TSHZ2: variants seen among roughly 807,000 people sequenced by gnomAD.
TSHZ2 encodes the protein teashirt homolog 2.
A neutral mutation model predicts 74.4 loss-of-function variants in TSHZ2; 21 were observed. The observed-to-expected ratio is 0.28, with a 90% CI of 0.20 to 0.41. The LOEUF is 0.41. Among genes scored for constraint, TSHZ2 ranks in the 10% least tolerant of loss-of-function variants. The pLI, the probability that TSHZ2 is intolerant of heterozygous loss-of-function variation, is 1.00. For missense variants in TSHZ2, 1,244 were observed against 1,293.5 expected (o/e 0.96, Z 0.59); for synonymous variants, 540 against 515.3 (o/e 1.05, Z -0.65).
rs190905663 is a variant in TSHZ2 at position 53,007,091 on chromosome 20, G to A, written c.40+33758G>A. The stretch of plus-strand genomic sequence containing the variant: ...TGCTGCAAGAGTAAAGGCTGCTACT[G>A]TGAGGGTGTCTGACAGCCCTAGCCT... On this transcript the variant is annotated intron_variant, in intron 1 of 2. Coordinates refer to ENST00000371497, the MANE Select transcript of TSHZ2 (RefSeq NM_173485.6). Among the ~76,000 whole-genome samples the A allele has an allele frequency of 5.3e-5, 8 of 152,286 alleles. No individual in the cohort carries two copies. In the East Asian group the frequency reaches 1.2e-3, roughly 22 times the overall value.
chr20:52,982,323 C>A (rs761777996), intron 1 of TSHZ2, among the ~76,000 whole-genome samples: 3 of 152,104 alleles, frequency 2.0e-5, no homozygotes, highest in African/African-American at 7.2e-5. Flanking sequence ...ATAGTCATAG[C>A]GAGTTGCCAG....
intron 1 of TSHZ2, among the ~76,000 whole-genome samples, chr20:53,037,895 A>G (rs1456211978): frequency 1.3e-5 from 2 of 151,966 alleles, no homozygotes; most frequent in Non-Finnish European, 2.9e-5. Flanking sequence ...CTGTGTGCAG[A>G]GCAGGGCGAG....
chr20:53,030,193 C>T (rs984314676), intron 1 of TSHZ2, among the ~76,000 whole-genome samples: 2 of 152,094 alleles, frequency 1.3e-5, no homozygotes, highest in Non-Finnish European at 1.5e-5. Flanking sequence ...ATTTGAACCC[C>T]GCCACTCAGC....
intron 1 of TSHZ2, among the ~76,000 whole-genome samples, chr20:53,050,114 T>TAGACAC (rs575510874): frequency 8.8e-6 from 1 of 113,384 alleles, no homozygotes; most frequent in African/African-American, 3.7e-5. Flanking sequence ...TATATATATA[T>TAGACAC]ATATATATAT....
intron 1 of TSHZ2, among the ~76,000 whole-genome samples, chr20:53,124,933 A>T (rs1210324217): frequency 6.6e-6 from 1 of 152,200 alleles, no homozygotes; most frequent in Non-Finnish European, 1.5e-5. Flanking sequence ...ACAACCACTC[A>T]ACTCTGCTGC....
chr20:53,018,588 T>A (rs1320839647), intron 1 of TSHZ2, among the ~76,000 whole-genome samples: 2 of 152,246 alleles, frequency 1.3e-5, no homozygotes, highest in Non-Finnish European at 2.9e-5. Flanking sequence ...TTGAAAGTGA[T>A]GACTTTGCCT....
At chr20:53,277,622 A>G (rs1990973640) in intron 2 of TSHZ2, among the ~76,000 whole-genome samples, 1 of 152,200 alleles carries the variant, frequency 6.6e-6, no homozygotes, top group African/African-American at 2.4e-5. Flanking sequence ...CAAATGGCAA[A>G]CGTGGACCAG....
intron 1 of TSHZ2, chr20:53,185,430 T>C: frequency 7.6e-7 from 1 of 1,313,714 alleles, no homozygotes; most frequent in Non-Finnish European, 9.7e-7. Flanking sequence ...ATTCCAGCAC[T>C]TTGGGAGGCC....
rs2145868176 is a variant in TSHZ2 at position 53,489,465 on chromosome 20, G to A, written c.*2330G>A. On this transcript the variant is annotated 3_prime_UTR_variant, in exon 3 of 3. Transcript: ENST00000371497. ...GTTAAAAATTGTCTGCTCCAATCCAGGGTTATTAGGCCAAAGTTACATAAT... is the reference window on the plus strand; with the variant it reads ...GTTAAAAATTGTCTGCTCCAATCCAAGGTTATTAGGCCAAAGTTACATAAT... 1 of 300,216 alleles carries A rather than the reference G, an allele frequency of 3.3e-6. No homozygotes were observed. Among genetic ancestry groups the A allele is most frequent in the Middle Eastern group, 1.2e-3 (1 of 848 alleles). The allele number at this position is 300,216 out of a possible 1,614,324, so 18.6% of individuals were successfully genotyped here. A position where few individuals can be genotyped will look rare whatever the true frequency, so the allele number is the denominator to read the frequency against.
intron 2 of TSHZ2, among the ~76,000 whole-genome samples, chr20:53,333,672 G>A (rs1979823840): frequency 6.6e-6 from 1 of 152,194 alleles, no homozygotes; most frequent in Admixed American, 6.5e-5. Flanking sequence ...TAGCCAGGAT[G>A]GTCTCGATCT....
rs1195806858 is a variant in TSHZ2 at position 53,062,162 on chromosome 20, AC to A, written c.40+88831del. ...TTTTTAATCTCAACTAAGCCACATCACCAGTTAACCTCTCTGATTTTGTCAT... is the reference window on the plus strand; with the variant it reads ...TTTTTAATCTCAACTAAGCCACATCACAGTTAACCTCTCTGATTTTGTCAT... On this transcript the variant is annotated intron_variant, in intron 1 of 2. Coordinates refer to ENST00000371497, the MANE Select transcript of TSHZ2 (RefSeq NM_173485.6). 6.6e-5 allele frequency among the ~76,000 whole-genome samples: 10 copies of A among 152,336 alleles called. No homozygotes were observed. In the East Asian group the frequency reaches 1.9e-3, roughly 29 times the overall value.
chr20:53,043,924 A>T (rs1984134646), intron 1 of TSHZ2, among the ~76,000 whole-genome samples: 1 of 148,798 alleles, frequency 6.7e-6, no homozygotes, highest in African/African-American at 2.6e-5. Flanking sequence ...TGGAGACTCA[A>T]AGAAAAAGCA....
At chr20:52,996,864 T>C (rs996131289) in intron 1 of TSHZ2, among the ~76,000 whole-genome samples, 2 of 152,204 alleles carry the variant, frequency 1.3e-5, no homozygotes, top group South Asian at 2.1e-4. Context: ...CCAATGCATA[T>C]GTAATACTCT....
At chr20:53,485,768 G>C (rs937883636) in intron 2 of TSHZ2, among the ~76,000 whole-genome samples, 1 of 151,948 alleles carries the variant, frequency 6.6e-6, no homozygotes, top group Non-Finnish European at 1.5e-5. Flanking sequence ...ACGTGAATGA[G>C]AGCTTTAAGC....
chr20:53,255,749 C>A lies in TSHZ2; in HGVS notation c.2291C>A (p.Pro764His). 4 of 1,613,922 alleles carry A rather than the reference C, an allele frequency of 2.5e-6. No homozygotes were observed. The highest frequency in any genetic ancestry group is 3.4e-6 in the Non-Finnish European group (4 of 1,179,936). ...RRYLFENSDQ[P>H]IDLTKSKSKK... ...TACCTGTTTGAGAACAGCGATCAGC[C>A]CATTGACCTGACCAAGTCCAAAAGC... The change falls in exon 2 of 3, where the codon CCC becomes CAC. Residue 764 changes from proline (P) to histidine (H), a missense_variant. By Grantham distance (77) the Pro-to-His change is moderately conservative (BLOSUM62 -2). Around this residue, in one of 6 missense-constraint regions of TSHZ2, gnomAD observed 562 missense variants for 544.0 expected, o/e 1.03. Coordinates refer to ENST00000371497, the MANE Select transcript of TSHZ2 (RefSeq NM_173485.6). This position sits in a 1 kb window ranked among gnomAD's most constrained non-coding sequence, Gnocchi z 4.1.
intron 2 of TSHZ2, among the ~76,000 whole-genome samples, chr20:53,369,376 G>T (rs999112205): frequency 6.6e-6 from 1 of 152,082 alleles, no homozygotes; most frequent in African/African-American, 2.4e-5. Flanking sequence ...ACTATATCTG[G>T]GGAAGAATGT....
At chr20:53,450,214 G>T (rs1287105918) in intron 2 of TSHZ2, among the ~76,000 whole-genome samples, 2 of 152,154 alleles carry the variant, frequency 1.3e-5, no homozygotes, top group African/African-American at 2.4e-5. Flanking sequence ...CTTTTGGCCT[G>T]GTCTCTCTTT....
At chr20:52,990,778 A>T (rs1981953669) in intron 1 of TSHZ2, among the ~76,000 whole-genome samples, 1 of 152,206 alleles carries the variant, frequency 6.6e-6, no homozygotes, top group Admixed American at 6.5e-5. Context: ...GGTAGAAATA[A>T]ATAAGACAGA....
intron 1 of TSHZ2, among the ~76,000 whole-genome samples, chr20:52,977,319 A>T (rs1474685886): frequency 6.6e-6 from 1 of 152,108 alleles, no homozygotes; most frequent in Non-Finnish European, 1.5e-5. Flanking sequence ...TTGTTTAAAC[A>T]TCCTTCAGAA....
Sources: allele counts gnomAD v4.1 joint callset (sites outside exome capture counted in the v4.1 genomes callset), GRCh38; gene constraint gnomAD v4.1.1; regional missense constraint gnomAD v4.1.1; non-coding constraint Gnocchi (gnomAD v3.1); transcripts MANE v1.5; gene names NCBI Gene and HGNC (gene_info 2026-07-23, HGNC 2026-07-21).